SEMA6D: variants seen among roughly 807,000 people sequenced by gnomAD.
SEMA6D encodes the protein semaphorin 6D.
SEMA6D carries 35 observed loss-of-function variants against 106.6 expected under a neutral mutation model. The ratio of observed to expected loss-of-function variants is 0.33; its 90% CI spans 0.25 to 0.44. The LOEUF (loss-of-function observed/expected upper bound fraction) is 0.44, where lower values mean the gene tolerates loss of function less well. Among genes scored for constraint, SEMA6D ranks in the 20% least tolerant of loss-of-function variants. The pLI is 1.00. For missense variants in SEMA6D, 1,185 were observed against 1,345.9 expected, an observed-to-expected ratio of 0.88 and a Z score of 1.87; for synonymous variants, 499 against 487.7, an observed-to-expected ratio of 1.02 and a Z score of -0.31.
chr15:47,382,010 G>A (rs1034313334), intron 1 of SEMA6D, among the ~76,000 whole-genome samples: 4 of 152,068 alleles, frequency 2.6e-5, no homozygotes, highest in African/African-American at 9.7e-5. Context: ...AATGTTCTGA[G>A]GTTATTTTGC....
chr15:47,254,218 A>G (rs575364545), intron 1 of SEMA6D, among the ~76,000 whole-genome samples: 1 of 150,312 alleles, frequency 6.7e-6, no homozygotes, highest in South Asian at 2.1e-4. Context: ...GAATTCATTT[A>G]TTAGTTATAA....
chr15:47,339,922 C>A (rs2037741986), intron 1 of SEMA6D, among the ~76,000 whole-genome samples: 1 of 151,594 alleles, frequency 6.6e-6, no homozygotes, highest in Non-Finnish European at 1.5e-5. Context: ...AAGAAAACAA[C>A]AAAAAAAGAA....
intron 1 of SEMA6D, among the ~76,000 whole-genome samples, chr15:47,717,942 C>T (rs2079187902): frequency 6.6e-6 from 1 of 151,534 alleles, no homozygotes; most frequent in African/African-American, 2.4e-5. Flanking sequence ...AAGGGACGCG[C>T]AAAGGGCTAG....
intron 1 of SEMA6D, among the ~76,000 whole-genome samples, chr15:47,307,587 C>T (rs188380091): frequency 0.027 from 4,104 of 152,152 alleles, 187 homozygotes; most frequent in African/African-American, 0.093. Flanking sequence ...ATCTCATTAC[C>T]TTTGGTAATG....
intron 1 of SEMA6D, among the ~76,000 whole-genome samples, chr15:47,372,427 A>G (rs2039306317): frequency 6.6e-6 from 1 of 152,212 alleles, no homozygotes; most frequent in African/African-American, 2.4e-5. Flanking sequence ...TTACTTGCAA[A>G]GGTAGAACTG....
intron 1 of SEMA6D, among the ~76,000 whole-genome samples, chr15:47,247,735 G>A (rs984717471): frequency 6.6e-6 from 1 of 152,116 alleles, no homozygotes; most frequent in Non-Finnish European, 1.5e-5. Context: ...GCATGTGTGT[G>A]TGTCATATTT....
Position 47,730,639 on chromosome 15 carries a change from C to T in SEMA6D, c.-55+12947C>T, listed in dbSNP as rs1049019832. The T allele has an allele frequency of 1.0e-5, 16 of 1,594,872 alleles. No individual in the cohort carries two copies. In the African/African-American group the frequency reaches 2.1e-4, roughly 21 times the overall value. On this transcript the variant is annotated intron_variant, in intron 1 of 18. Coordinates refer to ENST00000536845, the MANE Select transcript of SEMA6D (RefSeq NM_001358351.3). ...TCTCTTGCTTTGTCTCTGGTCTGTACTTGTGGGCCAGCTTATGCAGCTCGC... is the reference window on the plus strand; with the variant it reads ...TCTCTTGCTTTGTCTCTGGTCTGTATTTGTGGGCCAGCTTATGCAGCTCGC...
At chr15:47,359,371 T>G (rs2038712707) in intron 1 of SEMA6D, 2 of 152,168 alleles carry the variant, frequency 1.3e-5, no homozygotes, top group Admixed American at 1.3e-4. Flanking sequence ...TCATAGAGGT[T>G]GTTGTGAGGA....
chr15:47,413,036 T>C (rs1302997102), intron 2 of SEMA6D, among the ~76,000 whole-genome samples: 2 of 151,808 alleles, frequency 1.3e-5, no homozygotes, highest in Admixed American at 6.6e-5. Context: ...AAAAAGAGAG[T>C]GATAATGGTG....
intron 3 of SEMA6D, among the ~76,000 whole-genome samples, chr15:47,526,567 C>T (rs911744080): frequency 3.3e-5 from 5 of 152,094 alleles, no homozygotes; most frequent in South Asian, 2.1e-4. Context: ...CCTGCTAGAA[C>T]GTGCATATTT....
intron 3 of SEMA6D, among the ~76,000 whole-genome samples, chr15:47,552,713 G>A (rs2045742313): frequency 1.5e-5 from 2 of 137,024 alleles, no homozygotes; most frequent in African/African-American, 5.4e-5. Context: ...TTATGACTGA[G>A]ACATTTCATC....
At chr15:47,315,391 G>C (rs2036624503) in intron 1 of SEMA6D, among the ~76,000 whole-genome samples, 1 of 152,132 alleles carries the variant, frequency 6.6e-6, no homozygotes, top group Non-Finnish European at 1.5e-5. Flanking sequence ...TTTTGTCAAA[G>C]ACCAGCTGAC....
intron 3 of SEMA6D, among the ~76,000 whole-genome samples, chr15:47,584,588 C>T (rs1829021574): frequency 6.6e-6 from 1 of 152,112 alleles, no homozygotes; most frequent in Non-Finnish European, 1.5e-5. Flanking sequence ...GATAATAAAA[C>T]CCTGCAAGGG....
chr15:47,568,910 A>ATTAATATGT, intron 3 of SEMA6D, among the ~76,000 whole-genome samples: 1 of 152,258 alleles, frequency 6.6e-6, no homozygotes. Flanking sequence ...TATTATGGCC[A>ATTAATATGT]TCATTAATTC....
At chr15:47,640,491 G>GC (rs2077468562) in intron 4 of SEMA6D, among the ~76,000 whole-genome samples, 1 of 152,146 alleles carries the variant, frequency 6.6e-6, no homozygotes, top group Non-Finnish European at 1.5e-5. Flanking sequence ...TCAAAGAAAT[G>GC]CCCCATGTGC....
intron 3 of SEMA6D, among the ~76,000 whole-genome samples, chr15:47,547,866 G>A (rs1047833439): frequency 2.0e-5 from 3 of 152,058 alleles, no homozygotes; most frequent in Admixed American, 1.3e-4. Context: ...TTTCACCTAC[G>A]CTAAGCAGAT....
At chr15:47,353,698 C>T (rs918875539) in intron 1 of SEMA6D, among the ~76,000 whole-genome samples, 2 of 152,116 alleles carry the variant, frequency 1.3e-5, no homozygotes, top group African/African-American at 4.8e-5. Context: ...TTAATCTTAT[C>T]TTTGAGTCCA....
chr15:47,484,688 T>C, intron 3 of SEMA6D, among the ~76,000 whole-genome samples: 1 of 152,300 alleles, frequency 6.6e-6, no homozygotes, highest in Middle Eastern at 3.4e-3. Context: ...CCCATCAGAT[T>C]TAAGGCCTGA....
intron 3 of SEMA6D, among the ~76,000 whole-genome samples, chr15:47,516,838 G>A (rs1366017000): frequency 6.6e-6 from 1 of 152,164 alleles, no homozygotes; most frequent in African/African-American, 2.4e-5. Flanking sequence ...GGTGTCCCCA[G>A]GGTGTCGAGG....
Sources: allele counts gnomAD v4.1 joint callset (sites outside exome capture counted in the v4.1 genomes callset), GRCh38; gene constraint gnomAD v4.1.1; transcripts MANE v1.5; gene names NCBI Gene and HGNC (gene_info 2026-07-23, HGNC 2026-07-21).